The following ASAP1 variants were observed in gnomAD, a reference collection of about 807,000 sequenced individuals.
ASAP1 encodes the protein arf-GAP with SH3 domain, ANK repeat and PH domain-containing protein 1.
Under a neutral mutation model 145.2 loss-of-function variants are expected in ASAP1, and 43 were observed. That is an observed-to-expected ratio of 0.30 (90% confidence interval 0.23 to 0.38). ASAP1 has a LOEUF of 0.38. Ranked by LOEUF, ASAP1 falls within the 10% of genes least tolerant of loss-of-function variation. The pLI is 1.00. For missense variants in ASAP1, 1,018 were observed against 1,355.3 expected (o/e 0.75, Z 3.91); for synonymous variants, 546 against 515.5 (o/e 1.06, Z -0.80).
intron 3 of ASAP1, among the ~76,000 whole-genome samples, chr8:130,301,616 C>CA (rs1822671475): frequency 6.6e-6 from 1 of 152,112 alleles, no homozygotes; most frequent in African/African-American, 2.4e-5. Flanking sequence ...GTTCACTACC[C>CA]AAAAAACCCC....
chr8:130,351,394 T>C (rs1439020588), intron 3 of ASAP1, among the ~76,000 whole-genome samples: 7 of 152,230 alleles, frequency 4.6e-5, no homozygotes, highest in Non-Finnish European at 7.3e-5. Context: ...AATAAGCTTT[T>C]ATTAGATGAT....
At chr8:130,289,893 G>C (rs1043691596) in intron 3 of ASAP1, among the ~76,000 whole-genome samples, 2 of 152,090 alleles carry the variant, frequency 1.3e-5, no homozygotes, top group African/African-American at 4.8e-5. Flanking sequence ...TATCCAGTAC[G>C]TTTCTAGTTT....
At chr8:130,219,633 A>G (rs1817169480) in intron 4 of ASAP1, among the ~76,000 whole-genome samples, 1 of 152,218 alleles carries the variant, frequency 6.6e-6, no homozygotes, top group Non-Finnish European at 1.5e-5. Context: ...TTGGGCACAT[A>G]GTACAGTGGG....
At chr8:130,091,869 G>A (rs991501930) in intron 25 of ASAP1, 104 bp downstream of exon 25, 2 of 1,244,090 alleles carry the variant, frequency 1.6e-6, no homozygotes, top group African/African-American at 3.2e-5. Context: ...GCATGTGTGT[G>A]CATTTTGGCA....
intron 3 of ASAP1, among the ~76,000 whole-genome samples, chr8:130,305,143 A>G (rs759825728): frequency 7.2e-5 from 11 of 152,064 alleles, no homozygotes; most frequent in Non-Finnish European, 1.5e-4. Flanking sequence ...CTGCTACCAC[A>G]CTGCCCAACA....
At chr8:130,057,833 C>T (rs2097407602) in intron 29 of ASAP1, 121 bp downstream of exon 29, 2 of 1,271,524 alleles carry the variant, frequency 1.6e-6, no homozygotes, top group Non-Finnish European at 2.2e-6. Context: ...AGTGATGCAG[C>T]TGACAGGGTC....
intron 27 of ASAP1, among the ~76,000 whole-genome samples, chr8:130,072,790 G>GGTGTGTGTGTGTGTGTGTGTGTGTGT (rs142924621): frequency 0.017 from 1,117 of 65,960 alleles, 230 homozygotes; most frequent in African/African-American, 0.02. Flanking sequence ...ACTTGCAATT[G>GGTGTGTGTGTGTGTGTGTGTGTGTGT]ATATGTGTGT....
intron 3 of ASAP1, among the ~76,000 whole-genome samples, chr8:130,252,121 CTAAAA>C (rs1819234592): frequency 6.6e-6 from 1 of 151,816 alleles, no homozygotes; most frequent in Non-Finnish European, 1.5e-5. Context: ...AAATGGTAAA[CTAAAA>C]TAAAATAGAA....
chr8:130,359,073 C>T (rs1826564348), intron 2 of ASAP1, among the ~76,000 whole-genome samples: 1 of 152,180 alleles, frequency 6.6e-6, no homozygotes, highest in South Asian at 2.1e-4. Context: ...GCCCGCTCGC[C>T]CCATCTCTCT....
At chr8:130,113,956 A>G (rs2097550684) in intron 23 of ASAP1, among the ~76,000 whole-genome samples, 2 of 151,732 alleles carry the variant, frequency 1.3e-5, no homozygotes, top group African/African-American at 2.4e-5. Context: ...TAATTTTTGT[A>G]TTTTTTGTAG....
intron 3 of ASAP1, among the ~76,000 whole-genome samples, chr8:130,313,380 G>A (rs544269152): frequency 1.3e-5 from 2 of 151,758 alleles, no homozygotes; most frequent in East Asian, 3.9e-4. Flanking sequence ...ATGAGATCAC[G>A]TATAAATTGA....
chr8:130,111,400 T>C (rs943489656), intron 24 of ASAP1, among the ~76,000 whole-genome samples: 3 of 151,958 alleles, frequency 2.0e-5, no homozygotes, highest in Non-Finnish European at 2.9e-5. Flanking sequence ...ATGTTCCTTA[T>C]TAGAGAGTAC....
intron 2 of ASAP1, among the ~76,000 whole-genome samples, chr8:130,372,847 A>C (rs559637551): frequency 1.3e-5 from 2 of 151,964 alleles, no homozygotes; most frequent in Non-Finnish European, 2.9e-5. Context: ...TTTTTACCCC[A>C]CTCTTTCCTT....
chr8:130,285,772 T>C (rs566589522), intron 3 of ASAP1, among the ~76,000 whole-genome samples: 118 of 152,360 alleles, frequency 7.7e-4, no homozygotes, highest in African/African-American at 2.7e-3. Context: ...TATGAAATAT[T>C]TGTTTATGCA....
Position 130,061,074 on chromosome 8 carries a change from G to A in ASAP1, c.2702-5C>T, listed in dbSNP as rs750559289. On this transcript the variant is annotated splice_region_variant and splice_polypyrimidine_tract_variant and intron_variant, in intron 27 of 29. Coordinates refer to ENST00000518721, the MANE Select transcript of ASAP1 (RefSeq NM_018482.4). ...GATCTGTTTTCCTTAGTGCCACTGT[G>A]GAAGCAATCAAAAACAAGGAGGTCA... 2 of 1,521,116 alleles carry A rather than the reference G, an allele frequency of 1.3e-6. No homozygotes were observed. The highest frequency in any genetic ancestry group is 2.3e-5 in the Admixed American group (1 of 44,046). 94.2% of individuals were successfully genotyped at this position (1,521,116 alleles called of 1,614,324 possible).
chr8:130,344,589 T>C (rs1363921574), intron 3 of ASAP1, among the ~76,000 whole-genome samples: 1 of 152,202 alleles, frequency 6.6e-6, no homozygotes, highest in Non-Finnish European at 1.5e-5. Flanking sequence ...GCAAGCAAAC[T>C]GGCTGGGCAC....
At chr8:130,212,059 G>A (rs564340836) in intron 5 of ASAP1, among the ~76,000 whole-genome samples, 7 of 152,178 alleles carry the variant, frequency 4.6e-5, no homozygotes, top group Non-Finnish European at 1.0e-4. Context: ...CTAATCCAAG[G>A]TGTGGCCCTA....
chr8:130,110,939 C>G (rs2097545673), intron 24 of ASAP1, among the ~76,000 whole-genome samples: 1 of 152,174 alleles, frequency 6.6e-6, no homozygotes, highest in Admixed American at 6.5e-5. Context: ...TTTGGATTCA[C>G]TGGCAAAGAC....
chr8:130,392,555 G>A (rs1013445004), intron 2 of ASAP1, among the ~76,000 whole-genome samples: 1 of 152,220 alleles, frequency 6.6e-6, no homozygotes, highest in East Asian at 1.9e-4. Context: ...TATGTATGAG[G>A]AAAGTACTGT....
Sources: allele counts gnomAD v4.1 joint callset (sites outside exome capture counted in the v4.1 genomes callset), GRCh38; gene constraint gnomAD v4.1.1; transcripts MANE v1.5; gene names NCBI Gene and HGNC (gene_info 2026-07-23, HGNC 2026-07-21).